The following PC variants were observed in gnomAD, a reference collection of about 807,000 sequenced individuals.
PC encodes the protein pyruvate carboxylase, mitochondrial.
A neutral mutation model predicts 107.8 loss-of-function variants in PC; 46 were observed. That is an observed-to-expected ratio of 0.43 (90% confidence interval 0.34 to 0.55). The LOEUF is 0.55. Ranked by LOEUF, PC falls within the 20% of genes least tolerant of loss-of-function variation. The pLI is 0.04. For missense variants in PC, 1,241 were observed against 1,643.1 expected (o/e 0.76, Z 4.23); for synonymous variants, 662 against 684.7 (o/e 0.97, Z 0.52).
chr11:66,897,783 C>G (rs1947809925), intron 3 of PC, among the ~76,000 whole-genome samples: 1 of 152,148 alleles, frequency 6.6e-6, no homozygotes, highest in Admixed American at 6.6e-5. Flanking sequence ...TCTACGGGGG[C>G]AGACATAACT....
chr11:66,860,901 C>T (rs1249907547), intron 12 of PC, among the ~76,000 whole-genome samples: 1 of 152,286 alleles, frequency 6.6e-6, no homozygotes, highest in African/African-American at 2.4e-5. Context: ...CTGGGCTGAG[C>T]GTACAGTGAA....
At chr11:66,865,498 G>A (rs1946454227) in intron 11 of PC, among the ~76,000 whole-genome samples, 2 of 152,230 alleles carry the variant, frequency 1.3e-5, no homozygotes, top group South Asian at 2.1e-4. Flanking sequence ...CCAGAGGCGG[G>A]GGAGATGGGT....
At chr11:66,934,805 A>G (rs534053425) in intron 3 of PC, among the ~76,000 whole-genome samples, 182 of 152,044 alleles carry the variant, frequency 1.2e-3, no homozygotes, top group Non-Finnish European at 1.1e-3. Context: ...AGGTTTCACC[A>G]TGTTGGTCAG....
At chr11:66,897,653 C>A (rs1174635854) in intron 3 of PC, among the ~76,000 whole-genome samples, 3 of 152,174 alleles carry the variant, frequency 2.0e-5, no homozygotes, top group Non-Finnish European at 4.4e-5. Flanking sequence ...ATTGCCCCCT[C>A]CCTGAGGAAG....
intron 3 of PC, among the ~76,000 whole-genome samples, chr11:66,885,321 C>T (rs1201133985): frequency 6.6e-6 from 1 of 152,040 alleles, no homozygotes; most frequent in Non-Finnish European, 1.5e-5. Context: ...AAACCCATCT[C>T]TACCAAAAAA....
At chr11:66,895,184 G>A (rs1330448416) in intron 3 of PC, among the ~76,000 whole-genome samples, 1 of 152,086 alleles carries the variant, frequency 6.6e-6, no homozygotes, top group Non-Finnish European at 1.5e-5. Context: ...TGAGGGCCTG[G>A]GGACCTTGCC....
At chr11:66,937,049 G>A (rs185191503) in intron 3 of PC, among the ~76,000 whole-genome samples, 318 of 152,200 alleles carry the variant, frequency 2.1e-3, no homozygotes, top group Middle Eastern at 6.8e-3. Context: ...TCGCCATGTT[G>A]GTCAGGCTGG....
In PC at chr11:66,930,733, C is replaced by T. The variant is rs148754942; in HGVS notation, c.-1+21697G>A. On this transcript the variant is annotated intron_variant, in intron 3 of 22. Coordinates refer to ENST00000393960, the MANE Select transcript of PC (RefSeq NM_001040716.2). ...CTTCAGCCTGGGCGACAGAGCAAGA[C>T]TCTGTCTTAAAAAAAAAAAAAAAAA... Among the ~76,000 whole-genome samples, 761 of 125,374 alleles carry T rather than the reference C, an allele frequency of 6.1e-3. 27 individuals carry two copies. The highest frequency in any genetic ancestry group is 1.5e-3 in the Non-Finnish European group (92 of 61,522). 82.3% of individuals were successfully genotyped at this position (125,374 alleles called of 152,430 possible).
intron 3 of PC, among the ~76,000 whole-genome samples, chr11:66,910,869 C>T (rs1015069603): frequency 6.6e-6 from 1 of 152,170 alleles, no homozygotes; most frequent in Non-Finnish European, 1.5e-5. Flanking sequence ...TCACATAAAC[C>T]CACTGTTGTC....
chr11:66,892,683 A>G (rs1268596596), intron 3 of PC, among the ~76,000 whole-genome samples: 1 of 151,504 alleles, frequency 6.6e-6, no homozygotes, highest in Non-Finnish European at 1.5e-5. Context: ...CGTCTCTACT[A>G]AAAATACAAA....
chr11:66,869,377 T>C (rs1338773218), intron 9 of PC, among the ~76,000 whole-genome samples: 2 of 151,454 alleles, frequency 1.3e-5, no homozygotes, highest in African/African-American at 4.9e-5. Flanking sequence ...AAAGTCCCCT[T>C]CTAGTCTACT....
intron 3 of PC, among the ~76,000 whole-genome samples, chr11:66,937,341 T>A (rs867570398): frequency 3.7e-4 from 56 of 152,346 alleles, no homozygotes; most frequent in Middle Eastern, 6.8e-3. Context: ...AGAAATGAGC[T>A]GTTAATCTGA....
At chr11:66,922,837 C>A (rs1425557406) in intron 3 of PC, among the ~76,000 whole-genome samples, 1 of 152,190 alleles carries the variant, frequency 6.6e-6, no homozygotes, top group Non-Finnish European at 1.5e-5. Context: ...TCTGATAAAC[C>A]ATCTTGTCCA....
At position 66,858,043 on chromosome 11, in the gene PC, C is replaced by T. The variant is rs1478005111; in HGVS notation, c.1369-4660G>A. 1.9e-6 allele frequency: 3 copies of T among 1,611,200 alleles called. No individual in the cohort carries two copies. The highest frequency in any genetic ancestry group is 3.3e-5 in the Admixed American group (2 of 60,012). ...TTTGGGGACCTCGAGAGCCTGCGTT[C>T]CCTCCACCTTGACGGCAACAGGCTG... On this transcript the variant is annotated intron_variant, in intron 12 of 22. Transcript: ENST00000393960. This position sits in a 1 kb window ranked among gnomAD's most constrained non-coding sequence, Gnocchi z 5.9.
At chr11:66,849,490 C>T (rs1376917504) in intron 21 of PC, 120 bp from the exon 22 acceptor site, 2 of 1,603,912 alleles carry the variant, frequency 1.2e-6, no homozygotes, top group East Asian at 4.5e-5. Context: ...GGCCTAGCTC[C>T]CGGTCTCAAG....
In PC at chr11:66,870,705, G is replaced by A; in HGVS notation, c.751+70C>T. 3 of 1,445,184 alleles carry A rather than the reference G, an allele frequency of 2.1e-6. No homozygotes were observed. The highest frequency in any genetic ancestry group is 2.9e-6 in the Non-Finnish European group (3 of 1,036,608). 89.5% of individuals were successfully genotyped at this position (1,445,184 alleles called of 1,614,324 possible). On this transcript the variant is annotated intron_variant, in intron 8 of 22. Transcript: ENST00000393960. The surrounding 1 kb of genome is among the most constrained non-coding windows in gnomAD (Gnocchi z 6.1). ...GGCTGTCCCCAAGGCCAGCCACTGT[G>A]ACGGCACCAGGACTGGGCCTCTCAG...
chr11:66,942,238 T>A (rs1157459435), intron 3 of PC, among the ~76,000 whole-genome samples: 1 of 149,654 alleles, frequency 6.7e-6, no homozygotes, highest in African/African-American at 2.5e-5. Context: ...CTCTACTAAA[T>A]ATACAAAAAA....
chr11:66,876,818 G>C (rs1946997186), intron 3 of PC, among the ~76,000 whole-genome samples: 1 of 152,188 alleles, frequency 6.6e-6, no homozygotes, highest in South Asian at 2.1e-4. Context: ...CATGTCAAAA[G>C]AGCTCAAGTT....
chr11:66,880,632 AGCAAGTGCCACCAGTCTG>A (rs1364919800), intron 3 of PC, among the ~76,000 whole-genome samples: 1 of 152,234 alleles, frequency 6.6e-6, no homozygotes, highest in Non-Finnish European at 1.5e-5. Flanking sequence ...GCACATTCCC[AGCAAGTGCCACCAGTCTG>A]CAGCCCTTCT....
Sources: gnomAD v4.1 joint callset for allele counts (sites outside exome capture counted in the v4.1 genomes callset) on GRCh38, gnomAD v4.1.1 for gene constraint, Gnocchi (gnomAD v3.1) non-coding constraint, MANE v1.5 for transcripts, NCBI Gene and HGNC (gene_info 2026-07-23, HGNC 2026-07-21) for gene names.